The following LYST variants were observed in gnomAD, a reference collection of about 807,000 sequenced individuals.
LYST encodes lysosomal trafficking regulator.
LYST carries 192 observed loss-of-function variants against 413.6 expected under a neutral mutation model. The observed-to-expected ratio is 0.46, with a 90% CI of 0.41 to 0.52. The LOEUF (loss-of-function observed/expected upper bound fraction) is 0.52, where lower values mean the gene tolerates loss of function less well. Among genes scored for constraint, LYST ranks in the 20% least tolerant of loss-of-function variants. The pLI, the probability that LYST is intolerant of heterozygous loss-of-function variation, is 0.00. For synonymous variants in LYST, 1,525 were observed against 1,567.3 expected (o/e 0.97, Z 0.64); for missense variants, 3,815 against 4,499.9 (o/e 0.85, Z 4.35).
At chr1:235,744,886 C>T (rs1376994624) in intron 29 of LYST, among the ~76,000 whole-genome samples, 2 of 127,932 alleles carry the variant, frequency 1.6e-5, no homozygotes, top group African/African-American at 7.0e-5. Context: ...GAGTGAGAAC[C>T]CATCTCAAAA....
At chr1:235,774,887 T>C (rs1274040992) in intron 18 of LYST, 26 bp downstream of exon 18, 1 of 1,509,636 alleles carries the variant, frequency 6.6e-7, no homozygotes, top group African/African-American at 1.4e-5. Context: ...TATGAAACTA[T>C]AAGAATAAAT....
chr1:235,697,314 G>C, intron 45 of LYST, 42 bp from the exon 46 acceptor site: 13 of 1,437,832 alleles, frequency 9.0e-6, no homozygotes, highest in Non-Finnish European at 1.3e-5. Flanking sequence ...TTTAAAAGGT[G>C]GTAAGTGTAG....
At chr1:235,821,208 G>C (rs547475701) in intron 3 of LYST, among the ~76,000 whole-genome samples, 4 of 152,180 alleles carry the variant, frequency 2.6e-5, no homozygotes, top group Non-Finnish European at 4.4e-5. Flanking sequence ...GAGGCCAAGG[G>C]GGGTGGTTGC....
At chr1:235,689,286 T>C (rs1660467556) in intron 47 of LYST, among the ~76,000 whole-genome samples, 1 of 152,196 alleles carries the variant, frequency 6.6e-6, no homozygotes, top group Non-Finnish European at 1.5e-5. Flanking sequence ...GTTTAAATTC[T>C]TTTATATACA....
intron 44 of LYST, among the ~76,000 whole-genome samples, chr1:235,705,402 T>C (rs927313168): frequency 5.9e-5 from 9 of 151,942 alleles, no homozygotes; most frequent in African/African-American, 2.2e-4. Context: ...AAAAAAAAAA[T>C]TGAGACAGGG....
chr1:235,707,318 A>T (rs1248634886), intron 44 of LYST, among the ~76,000 whole-genome samples: 1 of 152,148 alleles, frequency 6.6e-6, no homozygotes, highest in East Asian at 1.9e-4. Context: ...CTAGCCAACA[A>T]CATCAAAAAG....
chr1:235,835,108 G>GA (rs1676427230), intron 1 of LYST, among the ~76,000 whole-genome samples: 1 of 151,222 alleles, frequency 6.6e-6, no homozygotes, highest in African/African-American at 2.4e-5. Flanking sequence ...AATGGGGGGG[G>GA]GTTTCGCCAC....
chr1:235,873,639 C>T (rs189607199), intron 1 of LYST, among the ~76,000 whole-genome samples: 93 of 152,308 alleles, frequency 6.1e-4, no homozygotes, highest in African/African-American at 2.2e-3. Context: ...TATTATTGAG[C>T]ATAATTCTTA....
chr1:235,803,722 G>C (rs987286111), intron 7 of LYST, among the ~76,000 whole-genome samples: 3 of 151,958 alleles, frequency 2.0e-5, no homozygotes, highest in African/African-American at 7.2e-5. Context: ...GAATAAAGTA[G>C]GTATTTTAAC....
chr1:235,840,946 T>G (rs1199745899), intron 1 of LYST, among the ~76,000 whole-genome samples: 1 of 152,196 alleles, frequency 6.6e-6, no homozygotes, highest in Non-Finnish European at 1.5e-5. Context: ...CTCTGAATAC[T>G]GGCTTGGTTA....
rs1418878819 is a variant in LYST at position 235,752,118 on chromosome 1, A to G, written c.7514T>C (p.Ile2505Thr). ...ACTGCAAGCATGAATTGTAACTGCT[A>G]TGAAAAGTTGCTGTATATCACAAGC... ...LLACDIQQLFIAVTIHACSSS... is the reference protein window; with the variant it reads ...LLACDIQQLFTAVTIHACSSS... Residue 2505 changes from isoleucine (I) to threonine (T), a missense_variant, in exon 27 of 53, where the codon ATA becomes ACA. Coordinates refer to ENST00000389793, the MANE Select transcript of LYST (RefSeq NM_000081.4). 3 of 1,611,880 alleles carry G rather than the reference A, an allele frequency of 1.9e-6. No homozygotes were observed. Among genetic ancestry groups the G allele is most frequent in the Non-Finnish European group, 2.5e-6 (3 of 1,178,314 alleles).
chr1:235,861,472 A>G (rs934160530), intron 1 of LYST, among the ~76,000 whole-genome samples: 3 of 152,240 alleles, frequency 2.0e-5, no homozygotes, highest in Non-Finnish European at 2.9e-5. Context: ...ATAAAATAAT[A>G]TCAAAGACAA....
chr1:235,688,987 T>C (rs937093146), intron 47 of LYST, among the ~76,000 whole-genome samples: 1 of 85,206 alleles, frequency 1.2e-5, no homozygotes, highest in Admixed American at 1.3e-4. Flanking sequence ...CCGTCTCAAA[T>C]AATAATAATA....
intron 1 of LYST, among the ~76,000 whole-genome samples, chr1:235,857,423 A>G (rs889173767): frequency 6.6e-6 from 1 of 152,118 alleles, no homozygotes; most frequent in Admixed American, 6.5e-5. Flanking sequence ...TGGGATTTGA[A>G]GAAAGTTCTA....
rs774730112 is a variant in LYST, at chr1:235,806,084, C to T, written c.3052G>A (p.Val1018Ile). ...EQGKKEGDTSVNENQDLNRIS... is the reference protein window; with the variant it reads ...EQGKKEGDTSINENQDLNRIS... Reference sequence around the variant, plus strand: ...CTGTTTAAATCCTGGTTTTCATTTACACTTGTATCTCCCTCCTTTTTTCCT... The same window carrying T: ...CTGTTTAAATCCTGGTTTTCATTTATACTTGTATCTCCCTCCTTTTTTCCT... Residue 1018 changes from valine to isoleucine, a missense_variant, in exon 6 of 53, where the codon GTA (valine) becomes ATA (isoleucine). Val to Ile is a conservative substitution (Grantham distance 29). This residue lies in a region of LYST where 1,648 missense variants were observed against 1,810.3 expected (regional missense o/e 0.91). Coordinates refer to ENST00000389793, the MANE Select transcript of LYST (RefSeq NM_000081.4). The T allele has an allele frequency of 1.9e-6, 3 of 1,613,654 alleles. No homozygotes were observed. Among genetic ancestry groups the T allele is most frequent in the Non-Finnish European group, 1.7e-6 (2 of 1,179,746 alleles).
chr1:235,671,258 A>C (rs1658920017), intron 50 of LYST, among the ~76,000 whole-genome samples: 1 of 152,134 alleles, frequency 6.6e-6, no homozygotes, highest in South Asian at 2.1e-4. Flanking sequence ...GTTTTTATGG[A>C]GTTTACATTC....
rs1394389379 is a variant in LYST at position 235,830,329 on chromosome 1, C to A, written c.89G>T (p.Arg30Met). 6.2e-7 allele frequency: 1 copy of A among 1,613,962 alleles called. No individual in the cohort carries two copies. ...CNAVVQRVEA[R>M]EEEEEETHMA... Reference sequence around the variant, plus strand: ...GTGCGTCTCCTCCTCTTCTTCCTCCCTGGCCTCCACCCTCTGGACCACTGC... The same window carrying A: ...GTGCGTCTCCTCCTCTTCTTCCTCCATGGCCTCCACCCTCTGGACCACTGC... Residue 30 changes from arginine to methionine, a missense_variant, in exon 3 of 53, where the codon AGG becomes ATG. This residue lies in a region of LYST where 1,648 missense variants were observed against 1,810.3 expected (regional missense o/e 0.91). Transcript: ENST00000389793.
At chr1:235,839,778 C>T (rs1677008045) in intron 1 of LYST, 1 of 151,346 alleles carries the variant, frequency 6.6e-6, no homozygotes, top group East Asian at 1.9e-4. Context: ...ACACACCAGC[C>T]TGGGCGACAG....
intron 6 of LYST, among the ~76,000 whole-genome samples, chr1:235,805,372 T>C (rs1022423736): frequency 6.6e-6 from 1 of 152,086 alleles, no homozygotes; most frequent in Non-Finnish European, 1.5e-5. Context: ...GCATCTTCCA[T>C]CGGTCAAGGG....
Sources: allele counts gnomAD v4.1 joint callset (sites outside exome capture counted in the v4.1 genomes callset), GRCh38; gene constraint gnomAD v4.1.1; regional missense constraint gnomAD v4.1.1; transcripts MANE v1.5; gene names NCBI Gene and HGNC (gene_info 2026-07-23, HGNC 2026-07-21).